LRP1B: variants seen among roughly 807,000 people sequenced by gnomAD.
The protein encoded by LRP1B is LDL receptor related protein 1B, also known as low-density lipoprotein receptor-related protein 1B.
In LRP1B, 217 loss-of-function variants were observed where a neutral mutation model predicts 556.6. The ratio of observed to expected loss-of-function variants is 0.39; its 90% CI spans 0.35 to 0.44. The LOEUF (loss-of-function observed/expected upper bound fraction) is 0.44, where lower values mean the gene tolerates loss of function less well. Among genes scored for constraint, LRP1B ranks in the 20% least tolerant of loss-of-function variants. The pLI, the probability that LRP1B is intolerant of heterozygous loss-of-function variation, is 1.00. For missense variants in LRP1B, 5,053 were observed against 5,620.8 expected (o/e 0.90, Z 3.23); for synonymous variants, 2,047 against 1,865.8 (o/e 1.10, Z -2.50).
intron 3 of LRP1B, among the ~76,000 whole-genome samples, chr2:141,274,950 T>C (rs1319755667): frequency 6.6e-6 from 1 of 152,168 alleles, no homozygotes; most frequent in Non-Finnish European, 1.5e-5. Flanking sequence ...CAAGCAACTT[T>C]TCTCAGGAAG....
chr2:140,876,219 A>G (rs13007335), intron 25 of LRP1B, among the ~76,000 whole-genome samples: 30,613 of 152,072 alleles, frequency 0.2, 3,238 homozygotes, highest in Non-Finnish European at 0.22. Flanking sequence ...TGCTTGAAAC[A>G]TTGCTAATCC....
chr2:141,795,351 T>TA (rs1695767220), intron 2 of LRP1B, among the ~76,000 whole-genome samples: 1 of 151,992 alleles, frequency 6.6e-6, no homozygotes, highest in Non-Finnish European at 1.5e-5. Flanking sequence ...ATTTTCTTTA[T>TA]AAAAAAATAT....
At chr2:140,592,846 G>A (rs1335059301) in intron 43 of LRP1B, among the ~76,000 whole-genome samples, 1 of 151,904 alleles carries the variant, frequency 6.6e-6, no homozygotes, top group Non-Finnish European at 1.5e-5. Context: ...AGGCCAAAGT[G>A]GGAGGATCAT....
chr2:140,705,529 A>C (rs1339490981), intron 37 of LRP1B, among the ~76,000 whole-genome samples: 5 of 24,020 alleles, frequency 2.1e-4, no homozygotes, highest in African/African-American at 4.7e-4. Flanking sequence ...CTCAAAAAAA[A>C]AAAAAAAAAA....
rs891214652 is a variant in LRP1B at position 140,237,208 on chromosome 2, C to T, written c.13560+944G>A. 4.0e-5 allele frequency among the ~76,000 whole-genome samples: 6 copies of T among 150,938 alleles called. No homozygotes were observed. The Admixed American group carries it at 4.0e-4, about 10-fold the overall frequency. ...CCACCCTCTAGTAACCACTATTCTA[C>T]TCTCTACTTCAATATTAACTTCTAT... On this transcript the variant is annotated intron_variant, in intron 89 of 90. Transcript: ENST00000389484.
At chr2:141,272,368 A>G (rs1348023826) in intron 3 of LRP1B, among the ~76,000 whole-genome samples, 2 of 152,170 alleles carry the variant, frequency 1.3e-5, no homozygotes, top group African/African-American at 2.4e-5. Flanking sequence ...ACTACAAAAT[A>G]TTCACTTAAG....
chr2:142,021,629 C>T (rs958698682), intron 1 of LRP1B, among the ~76,000 whole-genome samples: 10 of 151,800 alleles, frequency 6.6e-5, no homozygotes, highest in Non-Finnish European at 1.5e-5. Context: ...TGGTGTTAAC[C>T]CTAATCAGAG....
intron 35 of LRP1B, among the ~76,000 whole-genome samples, chr2:140,748,563 G>A (rs1331822392): frequency 2.1e-5 from 2 of 93,572 alleles, no homozygotes; most frequent in Non-Finnish European, 4.0e-5. Flanking sequence ...TAACTATGTT[G>A]TTAAACATAG....
intron 1 of LRP1B, among the ~76,000 whole-genome samples, chr2:141,902,370 A>G (rs1351269928): frequency 1.3e-5 from 2 of 151,964 alleles, no homozygotes; most frequent in Non-Finnish European, 2.9e-5. Context: ...ATAAGTGGTT[A>G]GAAAAAGTCC....
intron 6 of LRP1B, among the ~76,000 whole-genome samples, chr2:141,223,190 C>G (rs754708215): frequency 2.6e-5 from 4 of 152,130 alleles, no homozygotes; most frequent in Non-Finnish European, 2.9e-5. Context: ...CCAGCAAAGT[C>G]TCAGGATACA....
In LRP1B at chr2:140,700,259, T is replaced by C; in HGVS notation, c.6790A>G (p.Ile2264Val). Residue 2264 changes from isoleucine to valine, a missense_variant, in exon 41 of 91, where the codon ATT becomes GTT. Around this residue, in one of 5 missense-constraint regions of LRP1B, gnomAD observed 3,619 missense variants for 3,931.9 expected, o/e 0.92. Transcript: ENST00000389484. ...IKDNWEDRQV[I>V]VENVGSVEGL... ...GAATTACTGTACTTACTTTCAACAATTACTTGTCTGTCTTCCCAGTTGTCT... is the reference window on the plus strand; with the variant it reads ...GAATTACTGTACTTACTTTCAACAACTACTTGTCTGTCTTCCCAGTTGTCT... The C allele has an allele frequency of 6.2e-7, 1 of 1,609,784 alleles. No individual in the cohort carries two copies. The highest frequency in any genetic ancestry group is 8.5e-7 in the Non-Finnish European group (1 of 1,177,508).
intron 7 of LRP1B, among the ~76,000 whole-genome samples, chr2:141,152,517 C>T (rs1701949286): frequency 6.6e-6 from 1 of 151,680 alleles, no homozygotes; most frequent in Non-Finnish European, 1.5e-5. Flanking sequence ...AAATAGAAAA[C>T]AGGAACAGAA....
intron 1 of LRP1B, among the ~76,000 whole-genome samples, chr2:141,943,461 G>A (rs1046496248): frequency 6.6e-6 from 1 of 152,030 alleles, no homozygotes; most frequent in Admixed American, 6.6e-5. Context: ...TTAAGTGTTC[G>A]CTTTCTGAAG....
At chr2:141,880,574 T>C (rs1343449888) in intron 1 of LRP1B, among the ~76,000 whole-genome samples, 2 of 152,036 alleles carry the variant, frequency 1.3e-5, no homozygotes, top group African/African-American at 2.4e-5. Flanking sequence ...TGAAATGATT[T>C]TTTTGGTGCC....
intron 2 of LRP1B, among the ~76,000 whole-genome samples, chr2:141,788,938 T>C (rs967450796): frequency 6.6e-6 from 1 of 152,100 alleles, no homozygotes; most frequent in Non-Finnish European, 1.5e-5. Context: ...CAGTCTATCA[T>C]TGTTGGACAT....
intron 35 of LRP1B, among the ~76,000 whole-genome samples, chr2:140,750,725 C>T (rs948727043): frequency 6.6e-6 from 1 of 152,156 alleles, no homozygotes; most frequent in African/African-American, 2.4e-5. Context: ...ATGAATTCTG[C>T]ACTTCATGAG....
chr2:141,503,404 A>G (rs993160703), intron 2 of LRP1B, among the ~76,000 whole-genome samples: 24 of 151,702 alleles, frequency 1.6e-4, no homozygotes, highest in African/African-American at 5.6e-4. Flanking sequence ...ACAGTTTCCA[A>G]CCGTTGGTGA....
At chr2:142,047,044 T>C (rs188722967) in intron 1 of LRP1B, among the ~76,000 whole-genome samples, 1 of 152,184 alleles carries the variant, frequency 6.6e-6, no homozygotes, top group East Asian at 1.9e-4. Context: ...AAAGGCTCTT[T>C]CCACTGTCTG....
chr2:140,915,140 T>C (rs900931095), intron 21 of LRP1B, among the ~76,000 whole-genome samples: 1 of 152,020 alleles, frequency 6.6e-6, no homozygotes, highest in Non-Finnish European at 1.5e-5. Flanking sequence ...GAGGAATTAG[T>C]GAGACATAAG....
Sources: allele counts gnomAD v4.1 joint callset (sites outside exome capture counted in the v4.1 genomes callset), GRCh38; gene constraint gnomAD v4.1.1; regional missense constraint gnomAD v4.1.1; transcripts MANE v1.5; gene names NCBI Gene and HGNC (gene_info 2026-07-23, HGNC 2026-07-21).